MYOM2: variants seen among roughly 807,000 people sequenced by gnomAD.
The protein encoded by MYOM2 is myomesin-2.
Under a neutral mutation model 187.6 loss-of-function variants are expected in MYOM2, and 254 were observed. The observed-to-expected ratio is 1.35, with a 90% confidence interval of 1.22 to 1.50. MYOM2 has a LOEUF of 1.50. Ranked by LOEUF, MYOM2 falls within the 40% of genes most tolerant of loss-of-function variation. The pLI, the probability that MYOM2 is intolerant of heterozygous loss-of-function variation, is 0.00. For synonymous variants in MYOM2, 981 were observed against 753.8 expected (o/e 1.30, Z -4.94); for missense variants, 2,796 against 1,924.0 (o/e 1.45, Z -8.48).
intron 1 of MYOM2, among the ~76,000 whole-genome samples, chr8:2,049,034 A>C (rs1054579307): frequency 4.0e-5 from 6 of 151,748 alleles, no homozygotes; most frequent in African/African-American, 7.3e-5. Context: ...CTCGTGATCC[A>C]CCCGCCTTGG....
chr8:2,059,965 C>A (rs1271124025), intron 6 of MYOM2, among the ~76,000 whole-genome samples: 2 of 152,170 alleles, frequency 1.3e-5, no homozygotes, highest in Non-Finnish European at 1.5e-5. Flanking sequence ...TGGTCTCGAA[C>A]TCCCGACCTC....
intron 31 of MYOM2, among the ~76,000 whole-genome samples, chr8:2,125,608 T>TG (rs1797608257): frequency 8.9e-6 from 1 of 112,608 alleles, no homozygotes. Context: ...TTTTTCCTTT[T>TG]TTTTTTTTTT....
At chr8:2,137,058 C>G (rs569996036) in intron 32 of MYOM2, among the ~76,000 whole-genome samples, 2 of 151,892 alleles carry the variant, frequency 1.3e-5, no homozygotes, top group South Asian at 4.2e-4. Context: ...AATTTCTAGT[C>G]TCTCTCTCTT....
chr8:2,140,557 A>T (rs1440450142), intron 32 of MYOM2, among the ~76,000 whole-genome samples, 166 bp from the exon 33 acceptor site: 2 of 152,186 alleles, frequency 1.3e-5, no homozygotes, highest in African/African-American at 4.8e-5. Flanking sequence ...TTCAGATCTG[A>T]GTTACTGATG....
rs779415647 is a variant in MYOM2, at chr8:2,076,284, T to C, written c.1262+2T>C. ...CGTCATGGGCTATTTTGTGGACCGG[T>C]GAGCGTCTTGCATTCTCCCGGGGAT... On this transcript the variant is annotated splice_donor_variant, in intron 11 of 36. Transcript: ENST00000262113. LOFTEE classifies it high-confidence loss of function. The C allele has an allele frequency of 2.0e-5, 32 of 1,613,118 alleles. No individual in the cohort carries two copies. Among genetic ancestry groups the C allele is most frequent in the Admixed American group, 5.0e-5 (3 of 59,892 alleles).
At chr8:2,088,040 T>G (rs2116719810) in intron 14 of MYOM2, among the ~76,000 whole-genome samples, 1 of 152,286 alleles carries the variant, frequency 6.6e-6, no homozygotes, top group Middle Eastern at 3.4e-3. Flanking sequence ...CACACTTTTT[T>G]TTTTGTAATT....
intron 28 of MYOM2, 42 bp downstream of exon 28, chr8:2,117,994 C>G (rs368077970): frequency 6.3e-7 from 1 of 1,576,714 alleles, no homozygotes; most frequent in Non-Finnish European, 8.7e-7. Context: ...AAATCTCATT[C>G]TGGTTCCTAT....
At chr8:2,133,804 T>A (rs1364772972) in intron 32 of MYOM2, among the ~76,000 whole-genome samples, 1 of 152,228 alleles carries the variant, frequency 6.6e-6, no homozygotes, top group Non-Finnish European at 1.5e-5. Flanking sequence ...TTTTTACACT[T>A]GTGTTACTTC....
At chr8:2,127,499 C>T (rs971708713) in intron 31 of MYOM2, among the ~76,000 whole-genome samples, 8 of 152,260 alleles carry the variant, frequency 5.3e-5, no homozygotes, top group African/African-American at 1.4e-4. Context: ...CCCTGTTGTC[C>T]CTCAGGTTCC....
At chr8:2,083,666 C>T (rs1309373285) in intron 13 of MYOM2, among the ~76,000 whole-genome samples, 1 of 152,210 alleles carries the variant, frequency 6.6e-6, no homozygotes, top group Non-Finnish European at 1.5e-5. Flanking sequence ...ATCACTCATG[C>T]CCACCCCTGT....
intron 34 of MYOM2, among the ~76,000 whole-genome samples, 184 bp from the exon 35 acceptor site, chr8:2,142,191 A>G (rs1473309272): frequency 6.6e-6 from 1 of 152,186 alleles, no homozygotes; most frequent in African/African-American, 2.4e-5. Context: ...GGGAACCATC[A>G]GGAAAAATCA....
chr8:2,082,060 A>C (rs1563440563), intron 13 of MYOM2: 1 of 152,214 alleles, frequency 6.6e-6, no homozygotes, highest in Non-Finnish European at 1.5e-5. Context: ...GGTGAGACTT[A>C]GATGGAAAAT....
At chr8:2,083,428 T>C (rs71499060) in intron 13 of MYOM2, among the ~76,000 whole-genome samples, 40,176 of 150,836 alleles carry the variant, frequency 0.27, 5,448 homozygotes, top group East Asian at 0.33. Flanking sequence ...TGCTTAGCAG[T>C]ATCTCATGTG....
rs143884950 is a variant in MYOM2 at position 2,109,492 on chromosome 8, C to G, written c.3141C>G (p.Tyr1047Ter). 9 of 1,613,340 alleles carry G rather than the reference C, an allele frequency of 5.6e-6. No homozygotes were observed. The highest frequency in any genetic ancestry group is 1.3e-5 in the African/African-American group (1 of 74,960). Residue 1047 changes from tyrosine to a stop codon, truncating the protein, a stop_gained, in exon 25 of 37, where the codon TAC becomes TAG. Coordinates refer to ENST00000262113, the MANE Select transcript of MYOM2 (RefSeq NM_003970.4). LOFTEE classifies it high-confidence loss of function. ...AGCACTTATCACCAGATGCCAGCTA[C>G]CGATTTATTATTAACGACAGAGAAG... ...QAEHLSPDAS[Y>*]RFIINDREVS...
intron 13 of MYOM2, among the ~76,000 whole-genome samples, chr8:2,083,478 A>G (rs1336491592): frequency 6.7e-6 from 1 of 149,980 alleles, no homozygotes. Flanking sequence ...ACCATCTCGC[A>G]TATGTCTAAT....
At chr8:2,051,328 C>A (rs1407636401) in intron 2 of MYOM2, among the ~76,000 whole-genome samples, 2 of 152,084 alleles carry the variant, frequency 1.3e-5, no homozygotes, top group Non-Finnish European at 2.9e-5. Context: ...GATCAAGAAT[C>A]CCTGCCTCTG....
chr8:2,061,982 A>G (rs1300542215), intron 6 of MYOM2, among the ~76,000 whole-genome samples: 1 of 152,160 alleles, frequency 6.6e-6, no homozygotes, highest in Non-Finnish European at 1.5e-5. Context: ...GGGTGAGGGG[A>G]GGGGGCTGTG....
At chr8:2,093,361 A>G (rs1313915411) in intron 16 of MYOM2, among the ~76,000 whole-genome samples, 1 of 152,226 alleles carries the variant, frequency 6.6e-6, no homozygotes, top group Non-Finnish European at 1.5e-5. Context: ...TATATATGAT[A>G]AATAATAATT....
intron 9 of MYOM2, among the ~76,000 whole-genome samples, chr8:2,073,101 C>T (rs1368838495): frequency 6.6e-6 from 1 of 152,180 alleles, no homozygotes; most frequent in Non-Finnish European, 1.5e-5. Context: ...CCGCTCGCAG[C>T]ACGTCCCACT....
Sources: allele counts gnomAD v4.1 joint callset (sites outside exome capture counted in the v4.1 genomes callset), GRCh38; gene constraint gnomAD v4.1.1; transcripts MANE v1.5; gene names NCBI Gene and HGNC (gene_info 2026-07-23, HGNC 2026-07-21).